The following DAPK2 variants were observed in gnomAD, a reference collection of about 807,000 sequenced individuals.
DAPK2 encodes death associated protein kinase 2, also known as death-associated protein kinase 2.
In DAPK2, 35 loss-of-function variants were observed where a neutral mutation model predicts 44.1. The ratio of observed to expected loss-of-function variants is 0.79; its 90% CI spans 0.61 to 1.05. DAPK2 has a LOEUF of 1.05. Ranked by LOEUF, DAPK2 falls within the 50% of genes least tolerant of loss-of-function variation. The pLI is 0.00. For synonymous variants in DAPK2, 174 were observed against 182.6 expected (o/e 0.95, Z 0.38); for missense variants, 453 against 483.2 (o/e 0.94, Z 0.59).
chr15:63,942,323 G>A lies in DAPK2; in HGVS notation c.454-2962C>T, dbSNP rs192908279. On this transcript the variant is annotated intron_variant, in intron 3 of 10. Transcript: ENST00000261891. ...CCTAGCACTTTGGGAGGCCAAGGCA[G>A]GGGGTATCACCTGAGGTCAGGCGTT... is the stretch of plus-strand genomic sequence containing the variant. 1.9e-5 allele frequency: 17 copies of A among 878,576 alleles called. No homozygotes were observed. The East Asian group carries it at 1.9e-3, about 100-fold the overall frequency. 54.4% of individuals were successfully genotyped at this position (878,576 alleles called of 1,614,324 possible). A position where few individuals can be genotyped will look rare whatever the true frequency, so the allele number is the denominator to read the frequency against.
chr15:63,964,275 T>C (rs952921897), intron 3 of DAPK2, among the ~76,000 whole-genome samples: 12 of 152,188 alleles, frequency 7.9e-5, no homozygotes, highest in Non-Finnish European at 1.3e-4. Context: ...CATGCCACCC[T>C]CTCCTGGCCT....
chr15:63,977,686 G>A (rs371754367), intron 2 of DAPK2, among the ~76,000 whole-genome samples: 18 of 152,180 alleles, frequency 1.2e-4, no homozygotes, highest in South Asian at 8.3e-4. Context: ...GTTTGCCACC[G>A]GTGCAATGTG....
chr15:63,929,777 C>A, intron 5 of DAPK2, 200 bp from the exon 7 acceptor site: 1 of 700,012 alleles, frequency 1.4e-6, no homozygotes, highest in Admixed American at 2.0e-5. Flanking sequence ...GAGCTCTGAA[C>A]CCTGAGTCCG....
intron 3 of DAPK2, among the ~76,000 whole-genome samples, chr15:63,949,943 T>A (rs1390707912): frequency 6.6e-6 from 1 of 152,178 alleles, no homozygotes; most frequent in Non-Finnish European, 1.5e-5. Context: ...TGTTCTGAAA[T>A]TTTTTTCCCA....
chr15:64,026,034 G>C (rs973445309), intron 1 of DAPK2, among the ~76,000 whole-genome samples: 1 of 152,132 alleles, frequency 6.6e-6, no homozygotes, highest in Admixed American at 6.5e-5. Flanking sequence ...CAATGTAGGA[G>C]CCCTCGCAGG....
chr15:64,005,391 G>C (rs992455789), intron 1 of DAPK2, among the ~76,000 whole-genome samples: 4 of 149,936 alleles, frequency 2.7e-5, no homozygotes, highest in African/African-American at 9.8e-5. Flanking sequence ...CTAGATACAA[G>C]AGCAGAAACT....
At chr15:63,925,007 T>C in intron 7 of DAPK2, 146 bp from the exon 9 acceptor site, 1 of 846,544 alleles carries the variant, frequency 1.2e-6, no homozygotes, top group Non-Finnish European at 1.9e-6. Flanking sequence ...CAGAGATGGA[T>C]GGGAGCTGGC....
chr15:64,037,233 G>T (rs1028911908), intron 1 of DAPK2, among the ~76,000 whole-genome samples: 2 of 151,984 alleles, frequency 1.3e-5, no homozygotes, highest in African/African-American at 4.8e-5. Context: ...TGCTTGCCCC[G>T]GCCTGCTTTC....
At chr15:63,931,374 G>C (rs1057506235) in intron 4 of DAPK2, among the ~76,000 whole-genome samples, 5 of 152,116 alleles carry the variant, frequency 3.3e-5, no homozygotes, top group African/African-American at 1.2e-4. Context: ...AAAGTACACC[G>C]AACACCTGAA....
rs558030308 is a variant in DAPK2 at position 63,979,547 on chromosome 15, A to T, written c.314+3986T>A. Reference sequence around the variant, plus strand: ...ACTTACTGGGCAAACCCACTAACCTATTAGGGCCCAGTGAGGACCACGAGG... The same window carrying T: ...ACTTACTGGGCAAACCCACTAACCTTTTAGGGCCCAGTGAGGACCACGAGG... On this transcript the variant is annotated intron_variant, in intron 2 of 10. Coordinates refer to ENST00000261891, the Ensembl canonical transcript of DAPK2. Among the ~76,000 whole-genome samples, 12 of 152,292 alleles carry T rather than the reference A, an allele frequency of 7.9e-5. No homozygotes were observed. The East Asian group carries it at 2.3e-3, about 29-fold the overall frequency.
intron 1 of DAPK2, among the ~76,000 whole-genome samples, chr15:63,988,396 C>T (rs528544267): frequency 6.6e-5 from 10 of 152,276 alleles, no homozygotes; most frequent in Admixed American, 2.0e-4. Flanking sequence ...TCCCCACCCC[C>T]CAAAGTCTTC....
chr15:64,007,107 G>A (rs909075661), intron 1 of DAPK2, among the ~76,000 whole-genome samples: 17 of 151,774 alleles, frequency 1.1e-4, no homozygotes, highest in African/African-American at 4.1e-4. Flanking sequence ...ACAAATGTGT[G>A]CCAACCTCTC....
chr15:64,014,844 T>A (rs962030157), intron 1 of DAPK2, among the ~76,000 whole-genome samples: 1 of 149,954 alleles, frequency 6.7e-6, no homozygotes, highest in Non-Finnish European at 1.5e-5. Flanking sequence ...CACTTGAACC[T>A]GGGAGGTGGA....
chr15:63,975,684 C>T (rs184791763), intron 2 of DAPK2, among the ~76,000 whole-genome samples: 8 of 151,996 alleles, frequency 5.3e-5, no homozygotes, highest in Non-Finnish European at 8.8e-5. Context: ...CTGCAACCTC[C>T]GCCTCCCAGG....
chr15:63,983,713 G>A lies in DAPK2; in HGVS notation c.134C>T (p.Thr45Met), dbSNP rs201545659. The A allele has an allele frequency of 3.7e-6, 6 of 1,613,166 alleles. No individual in the cohort carries two copies. Among genetic ancestry groups the A allele is most frequent in the Non-Finnish European group, 4.2e-6 (5 of 1,180,042 alleles). ...GAACTTGGCTGCATACTCAAGCCCCGTGCTCTTCTCCCGGCACTTCTTCAC... is the reference window on the plus strand; with the variant it reads ...GAACTTGGCTGCATACTCAAGCCCCATGCTCTTCTCCCGGCACTTCTTCAC... The change falls in exon 2 of 11, where the codon ACG becomes ATG. Residue 45 changes from threonine to methionine, a missense_variant. By Grantham distance (81) the Thr-to-Met change is moderately conservative. Coordinates refer to ENST00000261891, the Ensembl canonical transcript of DAPK2.
chr15:64,019,526 C>T (rs954921385), intron 1 of DAPK2, among the ~76,000 whole-genome samples: 1 of 152,224 alleles, frequency 6.6e-6, no homozygotes, highest in African/African-American at 2.4e-5. Flanking sequence ...ATGTCTAATA[C>T]ATTGTCCTTT....
chr15:63,917,606 C>T lies in DAPK2; in HGVS notation c.859-5409G>A, dbSNP rs1436838839. ...TTTGGCAATTTTCCTGCTGAGGGGA[C>T]CATAACAAAAAGTTTAAAACACTCT... On this transcript the variant is annotated intron_variant, in intron 8 of 10. Coordinates refer to ENST00000261891, the Ensembl canonical transcript of DAPK2. This position sits in a 1 kb window ranked among gnomAD's most constrained non-coding sequence, Gnocchi z 4.4. 2.6e-5 allele frequency: 4 copies of T among 152,122 alleles called. No individual in the cohort carries two copies. Among genetic ancestry groups the T allele is most frequent in the African/African-American group, 9.7e-5 (4 of 41,402 alleles). The allele number at this position is 152,122 out of a possible 1,614,324, so 9.4% of individuals were successfully genotyped here. A position where few individuals can be genotyped will look rare whatever the true frequency, so the allele number is the denominator to read the frequency against.
intron 1 of DAPK2, among the ~76,000 whole-genome samples, chr15:64,035,970 G>C (rs547676842): frequency 5.3e-5 from 8 of 152,176 alleles, no homozygotes; most frequent in African/African-American, 1.9e-4. Flanking sequence ...GCCTCTAAAG[G>C]AATCAGAAAC....
At chr15:63,934,410 C>A (rs936671151) in intron 4 of DAPK2, among the ~76,000 whole-genome samples, 1 of 151,940 alleles carries the variant, frequency 6.6e-6, no homozygotes, top group Non-Finnish European at 1.5e-5. Context: ...GCACCCACCA[C>A]CACACCCAGC....
Sources: allele counts gnomAD v4.1 joint callset (sites outside exome capture counted in the v4.1 genomes callset), GRCh38; gene constraint gnomAD v4.1.1; non-coding constraint Gnocchi (gnomAD v3.1); transcripts MANE v1.5; gene names NCBI Gene and HGNC (gene_info 2026-07-23, HGNC 2026-07-21).